TRIM33: variants seen among roughly 807,000 people sequenced by gnomAD.
TRIM33 encodes the protein tripartite motif containing 33, also known as E3 ubiquitin-protein ligase TRIM33.
Under a neutral mutation model 125.4 loss-of-function variants are expected in TRIM33, and 20 were observed. The observed-to-expected ratio is 0.16, with a 90% CI of 0.11 to 0.23. The LOEUF is 0.23. Ranked by LOEUF, TRIM33 falls within the 10% of genes least tolerant of loss-of-function variation. The probability of loss-of-function intolerance (pLI) is 1.00; values close to 1 mark genes in which losing one functional copy is unlikely to be tolerated. For missense variants in TRIM33, 920 were observed against 1,411.4 expected (o/e 0.65, Z 5.58); for synonymous variants, 564 against 513.9 (o/e 1.10, Z -1.32).
chr1:114,441,825 CTT>C (rs1438861063), intron 4 of TRIM33, among the ~76,000 whole-genome samples: 1 of 152,184 alleles, frequency 6.6e-6, no homozygotes, highest in African/African-American at 2.4e-5. Flanking sequence ...CAAGTTAACT[CTT>C]AGCCATATGG....
chr1:114,470,050 T>C (rs1043025048), intron 1 of TRIM33, among the ~76,000 whole-genome samples: 6 of 152,372 alleles, frequency 3.9e-5, no homozygotes, highest in Middle Eastern at 3.4e-3. Context: ...TGGCCACATA[T>C]GTGCACATAC....
intron 15 of TRIM33, 26 bp from the exon 16 acceptor site, chr1:114,402,909 C>T: frequency 1.3e-6 from 2 of 1,592,684 alleles, no homozygotes; most frequent in Non-Finnish European, 1.7e-6. Flanking sequence ...GGCAATTAGT[C>T]CACGTAATTA....
In TRIM33 at chr1:114,508,202, T is replaced by C. The variant is rs780114731; in HGVS notation, c.526+2349A>G. On this transcript the variant is annotated intron_variant, in intron 1 of 19. Transcript: ENST00000358465. ...GGTTAGAGAGAAATATTACTTAAGA[T>C]TGACAGCATTTGGTTAGTCCCTTCC... Among the ~76,000 whole-genome samples, 5 of 152,142 alleles carry C rather than the reference T, an allele frequency of 3.3e-5. No homozygotes were observed. In the South Asian group the frequency reaches 8.3e-4, roughly 25 times the overall value.
At chr1:114,437,627 G>A (rs1199275388) in intron 4 of TRIM33, among the ~76,000 whole-genome samples, 2 of 152,124 alleles carry the variant, frequency 1.3e-5, no homozygotes, top group Non-Finnish European at 2.9e-5. Flanking sequence ...GTGAGCCACC[G>A]CACCCAGTCT....
intron 1 of TRIM33, among the ~76,000 whole-genome samples, chr1:114,506,691 G>C (rs1021535190): frequency 2.6e-5 from 4 of 152,088 alleles, no homozygotes; most frequent in African/African-American, 4.8e-5. Flanking sequence ...ACTGATAGCT[G>C]TTCTGCCTCA....
intron 5 of TRIM33, among the ~76,000 whole-genome samples, chr1:114,432,977 G>A (rs1404417215): frequency 6.6e-6 from 1 of 152,100 alleles, no homozygotes; most frequent in African/African-American, 2.4e-5. Flanking sequence ...AAGAATTTTA[G>A]TTTTAATTAT....
chr1:114,446,924 T>C (rs1240026082), intron 4 of TRIM33, among the ~76,000 whole-genome samples: 1 of 152,070 alleles, frequency 6.6e-6, no homozygotes, highest in Non-Finnish European at 1.5e-5. Flanking sequence ...GTATGTGGTC[T>C]CAGCTACTTG....
intron 2 of TRIM33, among the ~76,000 whole-genome samples, chr1:114,463,856 C>CA (rs1177521290): frequency 6.7e-6 from 1 of 149,400 alleles, no homozygotes; most frequent in African/African-American, 2.5e-5. Context: ...ACAGCCTCAA[C>CA]TTCCTGGGCT....
Position 114,396,080 on chromosome 1 carries a change from T to C in TRIM33, c.*1568A>G, listed in dbSNP as rs1009364740. ...ATGATTTGCCACAAATCTGCTGACTTCTGAAAAATATCTAACAGCAAATTC... is the reference window on the plus strand; with the variant it reads ...ATGATTTGCCACAAATCTGCTGACTCCTGAAAAATATCTAACAGCAAATTC... On this transcript the variant is annotated 3_prime_UTR_variant, in exon 20 of 20. Coordinates refer to ENST00000358465, the MANE Select transcript of TRIM33 (RefSeq NM_015906.4). 1.0e-5 allele frequency: 2 copies of C among 200,698 alleles called. No homozygotes were observed. 12.4% of individuals were successfully genotyped at this position (200,698 alleles called of 1,614,324 possible).
chr1:114,452,727 T>TAAAAA (rs34364866), intron 4 of TRIM33, among the ~76,000 whole-genome samples: 1 of 107,726 alleles, frequency 9.3e-6, no homozygotes, highest in African/African-American at 3.6e-5. Context: ...CCCCATCTCT[T>TAAAAA]AAAAAAAAAA....
At chr1:114,458,653 A>G (rs917917020) in intron 4 of TRIM33, among the ~76,000 whole-genome samples, 2 of 152,144 alleles carry the variant, frequency 1.3e-5, no homozygotes, top group Non-Finnish European at 2.9e-5. Flanking sequence ...TATTTCTCAA[A>G]TATCTCCCAT....
rs1011829938 is a variant in TRIM33, at chr1:114,401,535, T to C, written c.2893-72A>G. 4 of 1,294,608 alleles carry C rather than the reference T, an allele frequency of 3.1e-6. No homozygotes were observed. The African/African-American group carries it at 6.0e-5, about 19-fold the overall frequency. The allele number at this position is 1,294,608 out of a possible 1,614,324, so 80.2% of individuals were successfully genotyped here. A position where few individuals can be genotyped will look rare whatever the true frequency, so the allele number is the denominator to read the frequency against. On this transcript the variant is annotated intron_variant, in intron 16 of 19. Coordinates refer to ENST00000358465, the MANE Select transcript of TRIM33 (RefSeq NM_015906.4). ...ATAAAACATTCTCGAGAATGAGAAC[T>C]ATATCACAACAAAGTTTGATTACAA... is the stretch of plus-strand genomic sequence containing the variant.
intron 1 of TRIM33, among the ~76,000 whole-genome samples, chr1:114,503,298 T>C (rs1399180585): frequency 1.3e-5 from 2 of 152,052 alleles, no homozygotes; most frequent in Non-Finnish European, 2.9e-5. Flanking sequence ...CTGGCCAACA[T>C]GGCAAAACCC....
At position 114,469,043 on chromosome 1, in the gene TRIM33, C is replaced by T. The variant is rs372606905; in HGVS notation, c.527-4655G>A. 45 of 245,802 alleles carry T rather than the reference C, an allele frequency of 1.8e-4. 1 individual carries two copies. In the South Asian group the frequency reaches 2.1e-3, roughly 12 times the overall value. 15.2% of individuals were successfully genotyped at this position (245,802 alleles called of 1,614,324 possible). A position where few individuals can be genotyped will look rare whatever the true frequency, so the allele number is the denominator to read the frequency against. On this transcript the variant is annotated intron_variant, in intron 1 of 19. Transcript: ENST00000358465. Reference sequence around the variant, plus strand: ...TTGGCTGAACTGGGTACAAGTGGTTCTATAGATGGTAATAACCAATTTGTA... The same window carrying T: ...TTGGCTGAACTGGGTACAAGTGGTTTTATAGATGGTAATAACCAATTTGTA...
intron 4 of TRIM33, among the ~76,000 whole-genome samples, chr1:114,456,619 C>T (rs976808343): frequency 6.6e-6 from 1 of 152,146 alleles, no homozygotes; most frequent in Non-Finnish European, 1.5e-5. Flanking sequence ...AAAGAGCCAA[C>T]CACAATTTGC....
At chr1:114,413,124 T>C (rs1251132143) in intron 11 of TRIM33, among the ~76,000 whole-genome samples, 6 of 152,212 alleles carry the variant, frequency 3.9e-5, no homozygotes, top group African/African-American at 1.4e-4. Context: ...TTAACATCTT[T>C]TCACAAATGC....
intron 4 of TRIM33, among the ~76,000 whole-genome samples, chr1:114,455,367 A>G (rs1168440675): frequency 1.3e-5 from 2 of 152,166 alleles, no homozygotes; most frequent in Non-Finnish European, 2.9e-5. Flanking sequence ...TGACATGACT[A>G]TGACTCAGTA....
intron 1 of TRIM33, among the ~76,000 whole-genome samples, chr1:114,467,102 TC>T (rs1650350051): frequency 6.6e-6 from 1 of 152,218 alleles, no homozygotes; most frequent in Non-Finnish European, 1.5e-5. Flanking sequence ...CAGCTCATGC[TC>T]TTAAGAACTA....
At chr1:114,508,171 G>C (rs921954703) in intron 1 of TRIM33, among the ~76,000 whole-genome samples, 4 of 152,104 alleles carry the variant, frequency 2.6e-5, no homozygotes, top group Admixed American at 6.5e-5. Context: ...ATTTGTTTTA[G>C]ATATTGGTTA....
Sources: allele counts gnomAD v4.1 joint callset (sites outside exome capture counted in the v4.1 genomes callset), GRCh38; gene constraint gnomAD v4.1.1; transcripts MANE v1.5; gene names NCBI Gene and HGNC (gene_info 2026-07-23, HGNC 2026-07-21).